PDZD8: variants seen among roughly 807,000 people sequenced by gnomAD.
PDZD8 encodes PDZ domain-containing protein 8.
PDZD8 carries 14 observed loss-of-function variants against 85.8 expected under a neutral mutation model. The ratio of observed to expected loss-of-function variants is 0.16; its 90% CI spans 0.11 to 0.26. The LOEUF (loss-of-function observed/expected upper bound fraction) is 0.26, where lower values mean the gene tolerates loss of function less well. PDZD8 is among the 10% of genes least tolerant of loss of function. The pLI is 1.00. For missense variants in PDZD8, 1,197 were observed against 1,424.3 expected (o/e 0.84, Z 2.57); for synonymous variants, 592 against 568.6 (o/e 1.04, Z -0.59).
chr10:117,357,219 C>A (rs1217254398), intron 1 of PDZD8, among the ~76,000 whole-genome samples: 1 of 151,922 alleles, frequency 6.6e-6, no homozygotes, highest in Non-Finnish European at 1.5e-5. Flanking sequence ...ACAGTGAAAC[C>A]CCCATCTCTA....
At chr10:117,298,104 AC>A (rs1169012918) in intron 3 of PDZD8, among the ~76,000 whole-genome samples, 1 of 152,124 alleles carries the variant, frequency 6.6e-6, no homozygotes. Flanking sequence ...ACTGACTTTG[AC>A]CTACCCATAA....
chr10:117,288,095 T>A (rs540858497), intron 4 of PDZD8, among the ~76,000 whole-genome samples: 7 of 152,256 alleles, frequency 4.6e-5, no homozygotes, highest in African/African-American at 1.7e-4. Context: ...ACCATTCAAG[T>A]CTGGATTTTT....
At chr10:117,325,812 T>C (rs1244505551) in intron 2 of PDZD8, among the ~76,000 whole-genome samples, 1 of 152,196 alleles carries the variant, frequency 6.6e-6, no homozygotes, top group Non-Finnish European at 1.5e-5. Flanking sequence ...TCTAGTTTCC[T>C]CCTGATACGG....
Position 117,343,246 on chromosome 10 carries a change from CA to C in PDZD8, c.873-2145del, listed in dbSNP as rs1410948092. Among the ~76,000 whole-genome samples, 3 of 152,074 alleles carry C rather than the reference CA, an allele frequency of 2.0e-5. No individual in the cohort carries two copies. The East Asian group carries it at 5.8e-4, about 29-fold the overall frequency. On this transcript the variant is annotated intron_variant, in intron 1 of 4. Transcript: ENST00000334464. ...GGTTAAATGCTGTTTTATGTTTTCC[CA>C]GTAAGTAAGATTAAAGAAAAAAATT...
intron 2 of PDZD8, among the ~76,000 whole-genome samples, chr10:117,334,341 T>C (rs115279191): frequency 5.4e-4 from 82 of 152,226 alleles, no homozygotes; most frequent in African/African-American, 1.9e-3. Flanking sequence ...ACTCTTTCTC[T>C]ACTAAAAATA....
At chr10:117,372,437 T>A (rs1002655175) in intron 1 of PDZD8, among the ~76,000 whole-genome samples, 2 of 152,190 alleles carry the variant, frequency 1.3e-5, no homozygotes, top group African/African-American at 4.8e-5. Flanking sequence ...TGATATGTAA[T>A]CTCACTGTCA....
chr10:117,354,166 T>C (rs191314341), intron 1 of PDZD8, among the ~76,000 whole-genome samples: 2 of 152,316 alleles, frequency 1.3e-5, no homozygotes, highest in Admixed American at 1.3e-4. Context: ...TGGCCTGATT[T>C]AGGTTTTCAT....
intron 2 of PDZD8, among the ~76,000 whole-genome samples, chr10:117,335,864 A>C (rs1334462183): frequency 2.0e-5 from 3 of 152,166 alleles, no homozygotes; most frequent in Non-Finnish European, 4.4e-5. Flanking sequence ...TTATTATAGG[A>C]TTGAGCAAGT....
chr10:117,337,890 T>C (rs1844545398), intron 2 of PDZD8, among the ~76,000 whole-genome samples: 1 of 152,208 alleles, frequency 6.6e-6, no homozygotes, highest in Admixed American at 6.5e-5. Flanking sequence ...TATTCCACTA[T>C]ATATGAAGTA....
intron 3 of PDZD8, among the ~76,000 whole-genome samples, chr10:117,318,382 T>C (rs1196637643): frequency 6.6e-6 from 1 of 152,212 alleles, no homozygotes; most frequent in Non-Finnish European, 1.5e-5. Context: ...CTTTACCCTA[T>C]AAAATGTAGA....
chr10:117,353,590 T>C (rs925317335), intron 1 of PDZD8, among the ~76,000 whole-genome samples: 5 of 152,144 alleles, frequency 3.3e-5, no homozygotes, highest in African/African-American at 4.8e-5. Flanking sequence ...TGCTAAAGAA[T>C]TATTACTTTT....
chr10:117,365,706 C>T (rs7917325), intron 1 of PDZD8, among the ~76,000 whole-genome samples: 33,089 of 152,026 alleles, frequency 0.22, 4,058 homozygotes, highest in Middle Eastern at 0.34. Context: ...AGCAATTTGG[C>T]AAGAGAGATT....
chr10:117,298,171 G>T (rs957341032), intron 3 of PDZD8, among the ~76,000 whole-genome samples: 6 of 151,974 alleles, frequency 3.9e-5, no homozygotes, highest in African/African-American at 1.4e-4. Flanking sequence ...AGCAAGAACA[G>T]CGTGTCTGAA....
chr10:117,296,890 A>G (rs1161268917), intron 3 of PDZD8, among the ~76,000 whole-genome samples: 1 of 152,140 alleles, frequency 6.6e-6, no homozygotes, highest in Non-Finnish European at 1.5e-5. Flanking sequence ...AAGATTTCTT[A>G]AACATGACAC....
intron 1 of PDZD8, among the ~76,000 whole-genome samples, chr10:117,354,644 G>A (rs1051510976): frequency 6.6e-6 from 1 of 151,936 alleles, no homozygotes; most frequent in African/African-American, 2.4e-5. Flanking sequence ...TCAGGCTCAG[G>A]AATACACACA....
At chr10:117,362,244 A>T (rs925871786) in intron 1 of PDZD8, among the ~76,000 whole-genome samples, 9 of 152,190 alleles carry the variant, frequency 5.9e-5, no homozygotes, top group East Asian at 1.9e-4. Flanking sequence ...ATTTGAGAGA[A>T]ATCCCTACAT....
chr10:117,282,415 A>G lies in PDZD8; in HGVS notation c.*853T>C, dbSNP rs895209220. 1 of 152,202 alleles carries G rather than the reference A, an allele frequency of 6.6e-6. No homozygotes were observed. Among genetic ancestry groups the G allele is most frequent in the Non-Finnish European group, 1.5e-5 (1 of 68,036 alleles). The allele number at this position is 152,202 out of a possible 1,614,324, so 9.4% of individuals were successfully genotyped here. A position where few individuals can be genotyped will look rare whatever the true frequency, so the allele number is the denominator to read the frequency against. ...AATTTCCATTTAAAAGGAAAGCATC[A>G]ATATTTTAAAAGATTATATTTCAAA... On this transcript the variant is annotated 3_prime_UTR_variant, in exon 5 of 5. Coordinates refer to ENST00000334464, the MANE Select transcript of PDZD8 (RefSeq NM_173791.5).
chr10:117,292,582 T>A (rs549147858), intron 3 of PDZD8, among the ~76,000 whole-genome samples: 3 of 152,050 alleles, frequency 2.0e-5, no homozygotes, highest in Admixed American at 2.0e-4. Flanking sequence ...GAATGTGTTT[T>A]TTTTTTTTGT....
At chr10:117,346,885 C>G (rs1023855861) in intron 1 of PDZD8, among the ~76,000 whole-genome samples, 21 of 152,020 alleles carry the variant, frequency 1.4e-4, no homozygotes, top group Non-Finnish European at 2.2e-4. Flanking sequence ...AGTAGCACAC[C>G]TGGTCAACCC....
Sources: gnomAD v4.1 joint callset for allele counts (sites outside exome capture counted in the v4.1 genomes callset) on GRCh38, gnomAD v4.1.1 for gene constraint, MANE v1.5 for transcripts, NCBI Gene and HGNC (gene_info 2026-07-23, HGNC 2026-07-21) for gene names.